Variants in COL24A1 observed in about 807,000 individuals in gnomAD.
The protein encoded by COL24A1 is collagen alpha-1(XXIV) chain.
COL24A1 carries 224 observed loss-of-function variants against 253.9 expected under a neutral mutation model. The observed-to-expected ratio is 0.88, with a 90% CI of 0.79 to 0.99. COL24A1 has a LOEUF of 0.99. Among genes scored for constraint, COL24A1 ranks in the 50% least tolerant of loss-of-function variants. The probability of loss-of-function intolerance (pLI) is 0.00; values close to 1 mark genes in which losing one functional copy is unlikely to be tolerated. For synonymous variants in COL24A1, 685 were observed against 673.7 expected (o/e 1.02, Z -0.26); for missense variants, 2,131 against 2,068.5 (o/e 1.03, Z -0.59).
chr1:86,061,288 G>T (rs953620168), intron 8 of COL24A1, among the ~76,000 whole-genome samples: 2 of 151,980 alleles, frequency 1.3e-5, no homozygotes, highest in African/African-American at 4.8e-5. Flanking sequence ...AAAACACATA[G>T]GCCCACATTC....
Position 85,737,305 on chromosome 1 carries a change from C to G in COL24A1, c.4782+91G>C. ...AATCTTTGCTTTCATTCTTAAAATTCATAATTATTTAAAATGATAGAATTT... is the reference window on the plus strand; with the variant it reads ...AATCTTTGCTTTCATTCTTAAAATTGATAATTATTTAAAATGATAGAATTT... On this transcript the variant is annotated intron_variant, in intron 58 of 59. Transcript: ENST00000370571. 8.4e-6 allele frequency: 6 copies of G among 715,634 alleles called. No homozygotes were observed. The East Asian group carries it at 1.5e-4, about 18-fold the overall frequency. 44.3% of individuals were successfully genotyped at this position (715,634 alleles called of 1,614,324 possible).
At chr1:85,942,987 A>G (rs1363122222) in intron 24 of COL24A1, among the ~76,000 whole-genome samples, 1 of 152,092 alleles carries the variant, frequency 6.6e-6, no homozygotes, top group East Asian at 1.9e-4. Context: ...TCCAAAGGAG[A>G]TTAGAATGTA....
chr1:85,842,081 G>C lies in COL24A1; in HGVS notation c.3557C>G (p.Pro1186Arg). ...ATATACACAAACCTTTTCTCCTTTA[G>C]GTCCTGGCAATCCAGAGGGTCCTGG... ...GQPGPSGLPG[P>R]KGEKGYPGED... is the part of the protein sequence containing the mutation. The change falls in exon 41 of 60, where the codon CCT becomes CGT. Residue 1186 changes from proline (P) to arginine (R), a missense_variant. Transcript: ENST00000370571. 1 of 1,613,602 alleles carries C rather than the reference G, an allele frequency of 6.2e-7. No homozygotes were observed. The highest frequency in any genetic ancestry group is 8.5e-7 in the Non-Finnish European group (1 of 1,179,700).
chr1:85,858,886 C>T (rs1159690872), intron 37 of COL24A1, among the ~76,000 whole-genome samples: 1 of 151,942 alleles, frequency 6.6e-6, no homozygotes, highest in Non-Finnish European at 1.5e-5. Flanking sequence ...CAGGTGTAAG[C>T]CACCACACCC....
intron 43 of COL24A1, among the ~76,000 whole-genome samples, chr1:85,826,569 C>T (rs1394533855): frequency 1.7e-4 from 24 of 138,328 alleles, no homozygotes; most frequent in Admixed American, 3.7e-4. Context: ...ATGGAATGTT[C>T]TTCCATTTGT....
chr1:85,895,987 G>A (rs1242226983), intron 30 of COL24A1, 34 bp downstream of exon 30: 2 of 1,599,642 alleles, frequency 1.3e-6, no homozygotes, highest in Non-Finnish European at 8.5e-7. Flanking sequence ...GACTTAAAAT[G>A]TTCATCTTTA....
chr1:85,905,628 G>T (rs1293590311), intron 28 of COL24A1, among the ~76,000 whole-genome samples: 1 of 152,076 alleles, frequency 6.6e-6, no homozygotes, highest in Non-Finnish European at 1.5e-5. Flanking sequence ...TTTCGGGAGA[G>T]AATCAGTAAA....
chr1:85,863,806 A>G (rs1679452047), intron 37 of COL24A1, among the ~76,000 whole-genome samples: 1 of 152,232 alleles, frequency 6.6e-6, no homozygotes, highest in East Asian at 1.9e-4. Flanking sequence ...AATGCTCATC[A>G]TCACTGGCCA....
chr1:86,112,556 TA>T lies in COL24A1; in HGVS notation c.1599+10del. On this transcript the variant is annotated intron_variant, in intron 5 of 59. Transcript: ENST00000370571. ...TCATTAGCTTAAGTTGCCTGATTAG[TA>T]GTCACTTACCTTTGGACCAGGTAAT... 2 of 1,610,626 alleles carry T rather than the reference TA, an allele frequency of 1.2e-6. No homozygotes were observed. Among genetic ancestry groups the T allele is most frequent in the Non-Finnish European group, 1.7e-6 (2 of 1,177,626 alleles).
chr1:86,036,749 C>T (rs2101569190), intron 12 of COL24A1, among the ~76,000 whole-genome samples: 1 of 152,194 alleles, frequency 6.6e-6, no homozygotes, highest in Non-Finnish European at 1.5e-5. Flanking sequence ...CATATCTTTC[C>T]TTTAATTTTA....
chr1:86,127,219 C>G (rs1648447253), intron 2 of COL24A1, among the ~76,000 whole-genome samples: 1 of 152,122 alleles, frequency 6.6e-6, no homozygotes, highest in Non-Finnish European at 1.5e-5. Flanking sequence ...TCCAGAGTAA[C>G]TTTTATCCAA....
At chr1:86,108,033 T>C (rs1705170945) in intron 5 of COL24A1, among the ~76,000 whole-genome samples, 1 of 152,192 alleles carries the variant, frequency 6.6e-6, no homozygotes, top group African/African-American at 2.4e-5. Context: ...TATTGGTGAA[T>C]AGTTATAGTC....
chr1:85,868,859 G>C (rs1680086036), intron 35 of COL24A1, 24 bp from the exon 36 acceptor site: 14 of 1,539,788 alleles, frequency 9.1e-6, no homozygotes, highest in Non-Finnish European at 1.2e-5. Context: ...GAAAGAGTAT[G>C]ATTGAGTTTT....
chr1:85,768,485 G>A (rs1002700315), intron 53 of COL24A1, among the ~76,000 whole-genome samples: 2 of 151,870 alleles, frequency 1.3e-5, no homozygotes, highest in Non-Finnish European at 2.9e-5. Context: ...AAGGATGCCA[G>A]TGAGGAAGAA....
chr1:85,991,996 T>C (rs1694328386), intron 19 of COL24A1, among the ~76,000 whole-genome samples: 3 of 151,966 alleles, frequency 2.0e-5, no homozygotes, highest in Admixed American at 2.0e-4. Flanking sequence ...TGTAACAACA[T>C]GTGCCATGTT....
At chr1:86,057,218 C>T (rs989631427) in intron 10 of COL24A1, among the ~76,000 whole-genome samples, 4 of 152,024 alleles carry the variant, frequency 2.6e-5, no homozygotes, top group African/African-American at 9.7e-5. Context: ...TCTCTTACTC[C>T]CACTCTCGCC....
At chr1:86,084,859 G>C (rs1352962355) in intron 7 of COL24A1, among the ~76,000 whole-genome samples, 1 of 152,082 alleles carries the variant, frequency 6.6e-6, no homozygotes, top group Non-Finnish European at 1.5e-5. Context: ...AGTGGGAATG[G>C]CAGATTGCAG....
At chr1:85,827,561 T>A (rs1674548060) in intron 43 of COL24A1, among the ~76,000 whole-genome samples, 1 of 152,026 alleles carries the variant, frequency 6.6e-6, no homozygotes, top group African/African-American at 2.4e-5. Flanking sequence ...GGTCCTGGAC[T>A]CTTTTTGGTT....
Position 85,760,109 on chromosome 1 carries a change from C to T in COL24A1, c.4437+1287G>A, listed in dbSNP as rs191142962. ...TTTGTTTTTTTGAGACAGAGTCTTG[C>T]TCTGCCAGGCTGGAGTGCGGTGGCA... On this transcript the variant is annotated intron_variant, in intron 55 of 59. Transcript: ENST00000370571. 5.1e-3 allele frequency among the ~76,000 whole-genome samples: 781 copies of T among 151,706 alleles called. 5 individuals are homozygous for T. The highest frequency in any genetic ancestry group is 9.4e-3 in the Non-Finnish European group (640 of 67,984).
Sources: allele counts gnomAD v4.1 joint callset (sites outside exome capture counted in the v4.1 genomes callset), GRCh38; gene constraint gnomAD v4.1.1; transcripts MANE v1.5; gene names NCBI Gene and HGNC (gene_info 2026-07-23, HGNC 2026-07-21).